PDE1A: variants seen among roughly 807,000 people sequenced by gnomAD.
The protein encoded by PDE1A is phosphodiesterase 1A.
PDE1A carries 35 observed loss-of-function variants against 61.7 expected under a neutral mutation model. The observed-to-expected ratio is 0.57, with a 90% confidence interval of 0.43 to 0.75. PDE1A has a LOEUF of 0.75. Ranked by LOEUF, PDE1A falls within the 30% of genes least tolerant of loss-of-function variation. PDE1A has a pLI of 0.00. For missense variants in PDE1A, 597 were observed against 630.6 expected, an observed-to-expected ratio of 0.95 and a Z score of 0.57; for synonymous variants, 232 against 213.2, an observed-to-expected ratio of 1.09 and a Z score of -0.77.
rs1703635965 is a variant in PDE1A, at chr2:182,426,576, A to G, written c.53+2T>C. On this transcript the variant is annotated splice_donor_variant, in intron 1 of 13. Coordinates refer to ENST00000351439, the Ensembl canonical transcript of PDE1A. LOFTEE classifies it high-confidence loss of function. ...AGCCACCTGCGATGTAGCATTACTT[A>G]CCTAAAGATGGGTCTTTGGAGATGT... 6.3e-7 allele frequency: 1 copy of G among 1,597,574 alleles called. No individual in the cohort carries two copies.
At chr2:182,587,952 G>A in the PDE1A span, among the ~76,000 whole-genome samples, 2 of 152,240 alleles carry the variant, frequency 1.3e-5, no homozygotes, top group African/African-American at 4.8e-5. Flanking sequence ...GAGTCACAAG[G>A]AAGAAAATCA....
At chr2:182,213,272 A>C (rs1334233337) in intron 7 of PDE1A, among the ~76,000 whole-genome samples, 2 of 139,856 alleles carry the variant, frequency 1.4e-5, no homozygotes, top group African/African-American at 5.4e-5. Context: ...TCTGTACATC[A>C]CCATCATCAA....
chr2:182,606,083 G>A, the PDE1A span, among the ~76,000 whole-genome samples: 1 of 152,176 alleles, frequency 6.6e-6, no homozygotes, highest in Non-Finnish European at 1.5e-5. Context: ...TACAATGACT[G>A]TGGAAGATAG....
At chr2:182,537,497 G>A in the PDE1A span, among the ~76,000 whole-genome samples, 5 of 152,140 alleles carry the variant, frequency 3.3e-5, no homozygotes, top group East Asian at 3.9e-4. Flanking sequence ...GGGACCTGTC[G>A]GGGGATTGGG....
chr2:182,379,067 AAATGAG>A (rs1310164787), intron 1 of PDE1A, among the ~76,000 whole-genome samples: 1 of 152,248 alleles, frequency 6.6e-6, no homozygotes, highest in African/African-American at 2.4e-5. Flanking sequence ...AGCAATTGAA[AAATGAG>A]AATAAGGATG....
chr2:182,646,267 G>C, the PDE1A span, among the ~76,000 whole-genome samples: 2 of 151,652 alleles, frequency 1.3e-5, no homozygotes, highest in East Asian at 3.9e-4. Flanking sequence ...GGCCAACGTG[G>C]TGAAACCCTG....
intron 2 of PDE1A, among the ~76,000 whole-genome samples, chr2:182,256,888 C>G (rs1462802390): frequency 6.6e-6 from 1 of 152,190 alleles, no homozygotes; most frequent in African/African-American, 2.4e-5. Context: ...TGTACTCGAG[C>G]AAATTCTGGA....
At chr2:182,715,824 C>T in the PDE1A span, among the ~76,000 whole-genome samples, 1 of 152,212 alleles carries the variant, frequency 6.6e-6, no homozygotes, top group African/African-American at 2.4e-5. Context: ...ATCAGTGTCG[C>T]TTCAGGCAAC....
chr2:182,631,856 C>T, the PDE1A span, among the ~76,000 whole-genome samples: 11 of 152,136 alleles, frequency 7.2e-5, no homozygotes, highest in African/African-American at 2.7e-4. Flanking sequence ...TTCTCAAACA[C>T]GTAAGTGGAA....
the PDE1A span, among the ~76,000 whole-genome samples, chr2:182,652,629 C>A: frequency 6.6e-6 from 1 of 152,116 alleles, no homozygotes; most frequent in Non-Finnish European, 1.5e-5. Flanking sequence ...CCCCTGGTAC[C>A]ATTGAGACCC....
chr2:182,182,403 C>A (rs1460150941), intron 13 of PDE1A, among the ~76,000 whole-genome samples: 1 of 152,108 alleles, frequency 6.6e-6, no homozygotes, highest in Non-Finnish European at 1.5e-5. Context: ...CTTTACATAT[C>A]CAGAAATTAT....
intron 1 of PDE1A, among the ~76,000 whole-genome samples, chr2:182,295,976 C>T (rs1370068035): frequency 2.0e-5 from 3 of 152,082 alleles, no homozygotes; most frequent in Admixed American, 6.6e-5. Flanking sequence ...CGTTAATTAA[C>T]TTAAATAGTG....
the PDE1A span, among the ~76,000 whole-genome samples, chr2:182,542,094 T>C: frequency 6.6e-6 from 1 of 152,174 alleles, no homozygotes; most frequent in African/African-American, 2.4e-5. Flanking sequence ...AAAAATTTTA[T>C]GTGATTATAA....
chr2:182,268,479 C>T (rs1692789122), intron 1 of PDE1A, among the ~76,000 whole-genome samples: 1 of 152,078 alleles, frequency 6.6e-6, no homozygotes, highest in South Asian at 2.1e-4. Flanking sequence ...ATATATAATG[C>T]ATGGGTACCT....
At chr2:182,395,043 C>G (rs1404720461) in intron 1 of PDE1A, among the ~76,000 whole-genome samples, 1 of 152,194 alleles carries the variant, frequency 6.6e-6, no homozygotes, top group African/African-American at 2.4e-5. Context: ...TGAGCTTAAC[C>G]AAGTAGTGAC....
intron 7 of PDE1A, among the ~76,000 whole-genome samples, chr2:182,218,814 C>T (rs1027257387): frequency 1.3e-5 from 2 of 152,048 alleles, no homozygotes; most frequent in African/African-American, 2.4e-5. Flanking sequence ...GGATAAACCC[C>T]ACTTAGTTGT....
At chr2:182,523,041 C>A (rs1690659344), upstream of PDE1A, 1 of 152,244 alleles carries the variant, frequency 6.6e-6, no homozygotes, top group South Asian at 2.1e-4. Context: ...AAGAACACAG[C>A]TCCACAGGTT....
At chr2:182,407,535 T>A (rs1467029690) in intron 1 of PDE1A, among the ~76,000 whole-genome samples, 1 of 152,010 alleles carries the variant, frequency 6.6e-6, no homozygotes, top group African/African-American at 2.4e-5. Flanking sequence ...GTTCCCGCCA[T>A]CACACCTGGC....
chr2:182,173,273 T>C (rs1692414088), intron 13 of PDE1A, among the ~76,000 whole-genome samples: 1 of 152,072 alleles, frequency 6.6e-6, no homozygotes, highest in Non-Finnish European at 1.5e-5. Flanking sequence ...GCTGATAGGC[T>C]GCCCAGGTTG....
Sources: gnomAD v4.1 joint callset for allele counts (sites outside exome capture counted in the v4.1 genomes callset) on GRCh38, gnomAD v4.1.1 for gene constraint, MANE v1.5 for transcripts, NCBI Gene and HGNC (gene_info 2026-07-23, HGNC 2026-07-21) for gene names.